GPD1L: variants seen among roughly 807,000 people sequenced by gnomAD.
The protein encoded by GPD1L is glycerol-3-phosphate dehydrogenase 1-like protein.
Under a neutral mutation model 32.9 loss-of-function variants are expected in GPD1L, and 17 were observed. The ratio of observed to expected loss-of-function variants is 0.52; its 90% confidence interval spans 0.35 to 0.78. The LOEUF is 0.78. GPD1L is among the 30% of genes least tolerant of loss of function. The pLI, the probability that GPD1L is intolerant of heterozygous loss-of-function variation, is 0.01. For synonymous variants in GPD1L, 187 were observed against 165.9 expected (o/e 1.13, Z -0.98); for missense variants, 361 against 447.8 (o/e 0.81, Z 1.75).
At chr3:32,130,975 G>A (rs145264641) in intron 2 of GPD1L, among the ~76,000 whole-genome samples, 3,550 of 151,530 alleles carry the variant, frequency 0.023, 132 homozygotes, top group African/African-American at 0.08. Context: ...AGATTGCCCC[G>A]CTGCACTCCA....
Position 32,106,692 on chromosome 3 carries a change from C to G in GPD1L, c.-20C>G, listed in dbSNP as rs776479328. The G allele has an allele frequency of 1.9e-6, 3 of 1,553,088 alleles. No homozygotes were observed. The highest frequency in any genetic ancestry group is 5.2e-5 in the East Asian group (2 of 38,268). ...GCCGGCCAGGGAAGCACGGTCCAGG[C>G]GGCTACATTCGGCCCGGCCATGGCA... On this transcript the variant is annotated 5_prime_UTR_variant, in exon 1 of 8. Coordinates refer to ENST00000282541, the MANE Select transcript of GPD1L (RefSeq NM_015141.4). This position sits in a 1 kb window ranked among gnomAD's most constrained non-coding sequence, Gnocchi z 4.0.
At chr3:32,140,052 G>A (rs1700718729) in intron 3 of GPD1L, among the ~76,000 whole-genome samples, 176 bp from the exon 4 acceptor site, 1 of 152,158 alleles carries the variant, frequency 6.6e-6, no homozygotes, top group Non-Finnish European at 1.5e-5. Context: ...CGAGTGATGA[G>A]TACATGTTTA....
intron 2 of GPD1L, among the ~76,000 whole-genome samples, chr3:32,130,414 G>C (rs1452296956): frequency 1.3e-5 from 2 of 152,066 alleles, no homozygotes; most frequent in African/African-American, 4.8e-5. Flanking sequence ...ATTCAAGCAG[G>C]AGAGGTTTGT....
Position 32,165,851 on chromosome 3 carries a change from G to T in GPD1L, c.997G>T (p.Glu333Ter). Residue 333 changes from glutamate (E) to a stop codon, truncating the protein, a stop_gained, in exon 8 of 8, where the codon GAA (glutamate) becomes TAA (stop). Transcript: ENST00000282541. LOFTEE classifies it high-confidence loss of function. ...TACTGCAGTGTATCAGATCTGCTAC[G>T]AAAGCAGACCAGTTCAAGAGATGTT... ...LFTAVYQICY[E>*]SRPVQEMLSC... The T allele has an allele frequency of 6.2e-7, 1 of 1,609,056 alleles. No individual in the cohort carries two copies. The highest frequency in any genetic ancestry group is 8.5e-7 in the Non-Finnish European group (1 of 1,175,400).
At chr3:32,163,782 A>G (rs1701106575) in intron 7 of GPD1L, among the ~76,000 whole-genome samples, 1 of 152,218 alleles carries the variant, frequency 6.6e-6, no homozygotes. Flanking sequence ...CATCCCTTCC[A>G]CAGAATGCAC....
intron 1 of GPD1L, among the ~76,000 whole-genome samples, chr3:32,119,039 C>T (rs1700370234): frequency 6.6e-6 from 1 of 152,178 alleles, no homozygotes; most frequent in African/African-American, 2.4e-5. Flanking sequence ...GGGTTGCTTC[C>T]ACCTTTTGGC....
rs1400570068 is a variant in GPD1L at position 32,166,162 on chromosome 3, A to G, written c.*252A>G. The G allele has an allele frequency of 3.8e-6, 2 of 527,930 alleles. No individual in the cohort carries two copies. Among genetic ancestry groups the G allele is most frequent in the East Asian group, 6.8e-5 (2 of 29,492 alleles). The allele number at this position is 527,930 out of a possible 1,614,324, so 32.7% of individuals were successfully genotyped here. The stretch of plus-strand genomic sequence containing the variant: ...ATTCTGTGGATGTTTCTATGAGCCA[A>G]AATTTGATGTCTTTTTTTCAAAATT... On this transcript the variant is annotated 3_prime_UTR_variant, in exon 8 of 8. Transcript: ENST00000282541.
intron 2 of GPD1L, among the ~76,000 whole-genome samples, chr3:32,133,323 T>C (rs534597819): frequency 2.0e-5 from 3 of 152,366 alleles, no homozygotes; most frequent in African/African-American, 7.2e-5. Context: ...ATCTTTTATT[T>C]GGCTTATCCT....
At position 32,106,790 on chromosome 3, in the gene GPD1L, C is replaced by T; in HGVS notation, c.47+32C>T. ...GGCGGCGGGCTGGAGGCCGGGGCTC[C>T]GCTTCCAGGAAGCGCCTCTCCCGGG... is the stretch of plus-strand genomic sequence containing the variant. On this transcript the variant is annotated intron_variant, in intron 1 of 7. Coordinates refer to ENST00000282541, the MANE Select transcript of GPD1L (RefSeq NM_015141.4). This position sits in a 1 kb window ranked among gnomAD's most constrained non-coding sequence, Gnocchi z 4.0. 1.9e-6 allele frequency: 3 copies of T among 1,546,302 alleles called. No homozygotes were observed. Among genetic ancestry groups the T allele is most frequent in the Admixed American group, 1.9e-5 (1 of 52,894 alleles).
Position 32,166,286 on chromosome 3 carries a change from T to C in GPD1L, c.*376T>C. The stretch of plus-strand genomic sequence containing the variant: ...ATATGTATTTGAGTGGAGGATTTTT[T>C]TTCTCATTTTTCTAGTGTTAAATTT... On this transcript the variant is annotated 3_prime_UTR_variant, in exon 8 of 8. Coordinates refer to ENST00000282541, the MANE Select transcript of GPD1L (RefSeq NM_015141.4). The C allele has an allele frequency of 3.3e-6, 1 of 303,790 alleles. No homozygotes were observed. The highest frequency in any genetic ancestry group is 3.1e-5 in the South Asian group (1 of 32,170). The allele number at this position is 303,790 out of a possible 1,614,324, so 18.8% of individuals were successfully genotyped here.
chr3:32,129,215 T>G (rs1700554225), intron 2 of GPD1L, among the ~76,000 whole-genome samples: 1 of 152,188 alleles, frequency 6.6e-6, no homozygotes, highest in Non-Finnish European at 1.5e-5. Context: ...TCATCTCCTT[T>G]GTTAACGAAA....
intron 5 of GPD1L, among the ~76,000 whole-genome samples, chr3:32,153,052 G>A (rs1382014014): frequency 6.6e-6 from 1 of 152,174 alleles, no homozygotes; most frequent in African/African-American, 2.4e-5. Flanking sequence ...TATTATTGTA[G>A]AAGGAAAGAA....
intron 1 of GPD1L, among the ~76,000 whole-genome samples, chr3:32,127,810 C>T (rs1212051303): frequency 6.6e-6 from 1 of 152,086 alleles, no homozygotes; most frequent in Non-Finnish European, 1.5e-5. Context: ...ACGTTGTCTT[C>T]CAAGATAGGT....
chr3:32,123,801 G>GATAT (rs1199172451), intron 1 of GPD1L, among the ~76,000 whole-genome samples: 1 of 127,324 alleles, frequency 7.9e-6, no homozygotes, highest in Non-Finnish European at 1.8e-5. Context: ...AAGATAGATA[G>GATAT]ATAGATAGAT....
At chr3:32,145,808 G>A (rs1382724293) in intron 4 of GPD1L, among the ~76,000 whole-genome samples, 4 of 152,182 alleles carry the variant, frequency 2.6e-5, no homozygotes, top group Non-Finnish European at 5.9e-5. Flanking sequence ...TTGGAAAAGG[G>A]GAACTCAGCT....
intron 2 of GPD1L, among the ~76,000 whole-genome samples, chr3:32,131,655 T>C (rs1177143563): frequency 1.3e-5 from 2 of 152,244 alleles, no homozygotes; most frequent in East Asian, 1.9e-4. Context: ...CATTCATTGG[T>C]TGATGGTCAT....
intron 2 of GPD1L, among the ~76,000 whole-genome samples, chr3:32,129,158 A>C (rs1700553708): frequency 6.6e-6 from 1 of 152,194 alleles, no homozygotes; most frequent in Non-Finnish European, 1.5e-5. Context: ...TCTCTTTGAA[A>C]AACAGACAGT....
At chr3:32,134,694 C>T (rs536586135) in intron 2 of GPD1L, among the ~76,000 whole-genome samples, 2 of 152,300 alleles carry the variant, frequency 1.3e-5, no homozygotes, top group African/African-American at 4.8e-5. Flanking sequence ...CACTGTGTTG[C>T]TTAGGCTGGT....
intron 4 of GPD1L, among the ~76,000 whole-genome samples, chr3:32,142,172 G>A (rs529665060): frequency 1.3e-4 from 19 of 151,520 alleles, no homozygotes; most frequent in African/African-American, 3.6e-4. Context: ...AGGCTTGAGC[G>A]CAGTGGTGCT....
Sources: allele counts gnomAD v4.1 joint callset (sites outside exome capture counted in the v4.1 genomes callset), GRCh38; gene constraint gnomAD v4.1.1; non-coding constraint Gnocchi (gnomAD v3.1); transcripts MANE v1.5; gene names NCBI Gene and HGNC (gene_info 2026-07-23, HGNC 2026-07-21).